The following DNAJC24 variants were observed in gnomAD, a reference collection of about 807,000 sequenced individuals.
DNAJC24 encodes the protein dnaJ homolog subfamily C member 24.
A neutral mutation model predicts 18.0 loss-of-function variants in DNAJC24; 17 were observed. The observed-to-expected ratio is 0.94, with a 90% CI of 0.65 to 1.42. The LOEUF (loss-of-function observed/expected upper bound fraction) is 1.42. DNAJC24 is among the 40% of genes most tolerant of loss of function. The probability of loss-of-function intolerance (pLI) is 0.00; values close to 1 mark genes in which losing one functional copy is unlikely to be tolerated. For missense variants in DNAJC24, 158 were observed against 175.6 expected (o/e 0.90, Z 0.57); for synonymous variants, 55 against 57.7 (o/e 0.95, Z 0.21).
chr11:31,383,184 T>C (rs1477298218), intron 2 of DNAJC24, among the ~76,000 whole-genome samples: 1 of 151,994 alleles, frequency 6.6e-6, no homozygotes, highest in Non-Finnish European at 1.5e-5. Flanking sequence ...TAGGTAGGCA[T>C]ACTTGATTAA....
At chr11:31,377,437 T>G (rs1294809848) in intron 2 of DNAJC24, among the ~76,000 whole-genome samples, 1 of 152,118 alleles carries the variant, frequency 6.6e-6, no homozygotes. Flanking sequence ...TTACATATTA[T>G]AGACATACAT....
chr11:31,374,203 C>A, intron 2 of DNAJC24: 1 of 350,176 alleles, frequency 2.9e-6, no homozygotes, highest in Non-Finnish European at 6.0e-6. Context: ...CAATGTTTTA[C>A]CAGTAAGTAT....
At position 31,431,489 on chromosome 11, in the gene DNAJC24, A is replaced by G. The variant is rs1203053274; in HGVS notation, c.*1088A>G. The stretch of plus-strand genomic sequence containing the variant: ...AAAATAATGACTTGGAAGTTGGTGC[A>G]TTATTTCCCCTTTTATTTTGGAGTG... On this transcript the variant is annotated 3_prime_UTR_variant, in exon 5 of 5. Coordinates refer to ENST00000465995, the MANE Select transcript of DNAJC24 (RefSeq NM_181706.5). 6.7e-6 allele frequency: 1 copy of G among 149,812 alleles called. No homozygotes were observed. The highest frequency in any genetic ancestry group is 1.5e-5 in the Non-Finnish European group (1 of 67,478). The allele number at this position is 149,812 out of a possible 1,614,324, so 9.3% of individuals were successfully genotyped here.
At chr11:31,393,902 A>G (rs535053546) in intron 2 of DNAJC24, among the ~76,000 whole-genome samples, 62 of 152,168 alleles carry the variant, frequency 4.1e-4, no homozygotes, top group African/African-American at 1.5e-3. Context: ...TACTGAAACA[A>G]TGATCCTAGG....
intron 2 of DNAJC24, among the ~76,000 whole-genome samples, chr11:31,381,575 ATTT>A (rs544064492): frequency 7.0e-6 from 1 of 142,192 alleles, no homozygotes; most frequent in Non-Finnish European, 1.5e-5. Context: ...TCAAAAAAAA[ATTT>A]TTTTTTTTTT....
intron 2 of DNAJC24, chr11:31,407,356 C>T (rs576268842): frequency 2.2e-4 from 33 of 152,160 alleles, no homozygotes; most frequent in African/African-American, 7.0e-4. Flanking sequence ...AAAACTCTTA[C>T]GTGTTTACTG....
Position 31,370,733 on chromosome 11 carries a change from A to T in DNAJC24, c.-16A>T. The stretch of plus-strand genomic sequence containing the variant: ...CTATTCAGCTAATCTGAGAAGGCCC[A>T]CTTCTGGTTCCATGGATGATGGCGG... On this transcript the variant is annotated 5_prime_UTR_variant, in exon 2 of 5. Transcript: ENST00000465995. 1.3e-6 allele frequency: 2 copies of T among 1,570,328 alleles called. No individual in the cohort carries two copies. Among genetic ancestry groups the T allele is most frequent in the South Asian group, 1.2e-5 (1 of 85,820 alleles).
chr11:31,417,972 G>A (rs1038566015), intron 3 of DNAJC24, among the ~76,000 whole-genome samples: 2 of 151,970 alleles, frequency 1.3e-5, no homozygotes, highest in South Asian at 2.1e-4. Flanking sequence ...TTGCATGTAT[G>A]TTTTTTTCTC....
At position 31,408,803 on chromosome 11, in the gene DNAJC24, T is replaced by C. The variant is rs574934029; in HGVS notation, c.112-6008T>C. The stretch of plus-strand genomic sequence containing the variant: ...ATGTAATTGAAAATTTTCCCCAAAA[T>C]TTGAGGAAATTACTTAGATCATACA... On this transcript the variant is annotated intron_variant, in intron 2 of 4. Transcript: ENST00000465995. Among the ~76,000 whole-genome samples, 4 of 152,304 alleles carry C rather than the reference T, an allele frequency of 2.6e-5. No homozygotes were observed. In the East Asian group the frequency reaches 7.7e-4, roughly 29 times the overall value.
chr11:31,377,736 A>G (rs1591898750), intron 2 of DNAJC24, among the ~76,000 whole-genome samples: 1 of 152,126 alleles, frequency 6.6e-6, no homozygotes, highest in African/African-American at 2.4e-5. Flanking sequence ...AGCTTTGTCA[A>G]ATTGAGAACT....
intron 2 of DNAJC24, among the ~76,000 whole-genome samples, chr11:31,397,808 CT>C (rs113510980): frequency 1.2e-3 from 178 of 143,702 alleles, no homozygotes; most frequent in Admixed American, 1.2e-3. Context: ...ATATGTGTTT[CT>C]TTTTTTTTTT....
intron 2 of DNAJC24, among the ~76,000 whole-genome samples, chr11:31,399,418 T>G (rs1952576270): frequency 6.7e-6 from 1 of 149,592 alleles, no homozygotes; most frequent in Admixed American, 6.6e-5. Context: ...AATTCTCTTT[T>G]TTTTTTTTTT....
At chr11:31,423,077 TTTC>T (rs1454463463) in intron 3 of DNAJC24, among the ~76,000 whole-genome samples, 4 of 152,188 alleles carry the variant, frequency 2.6e-5, no homozygotes, top group African/African-American at 7.2e-5. Context: ...CTTTCTTGAA[TTTC>T]TTCTTTCTCC....
chr11:31,432,438 A>G lies in DNAJC24; in HGVS notation c.*2037A>G. 1 of 1,144,272 alleles carries G rather than the reference A, an allele frequency of 8.7e-7. No individual in the cohort carries two copies. The highest frequency in any genetic ancestry group is 1.2e-5 in the South Asian group (1 of 80,910). 70.9% of individuals were successfully genotyped at this position (1,144,272 alleles called of 1,614,324 possible). Reference sequence around the variant, plus strand: ...AGTTTATTGGTAAGTACACGGTTTCAACGGGAGTAATAAATTCACATGAAA... The same window carrying G: ...AGTTTATTGGTAAGTACACGGTTTCGACGGGAGTAATAAATTCACATGAAA... On this transcript the variant is annotated 3_prime_UTR_variant, in exon 5 of 5. Coordinates refer to ENST00000465995, the MANE Select transcript of DNAJC24 (RefSeq NM_181706.5).
intron 4 of DNAJC24, chr11:31,429,890 T>A (rs1301729586): frequency 6.4e-6 from 1 of 155,926 alleles, no homozygotes; most frequent in Non-Finnish European, 1.4e-5. Context: ...GGTAGGGCTG[T>A]TTTTCTTTTC....
At chr11:31,425,483 C>A (rs1952852296) in intron 3 of DNAJC24, among the ~76,000 whole-genome samples, 1 of 152,082 alleles carries the variant, frequency 6.6e-6, no homozygotes, top group South Asian at 2.1e-4. Context: ...GCTAACAAGT[C>A]CAAGATCAAG....
At chr11:31,388,886 G>A (rs1208197535) in intron 2 of DNAJC24, among the ~76,000 whole-genome samples, 1 of 151,752 alleles carries the variant, frequency 6.6e-6, no homozygotes, top group East Asian at 1.9e-4. Context: ...AAAGTTCAGA[G>A]TTTTTATTAG....
rs1020753631 is a variant in DNAJC24, at chr11:31,389,475, C to T, written c.111+18616C>T. ...GATATAACAATTGTAAATACATATA[C>T]ACCAAATAGATATCTAGAGCAGCCA... On this transcript the variant is annotated intron_variant, in intron 2 of 4. Transcript: ENST00000465995. Among the ~76,000 whole-genome samples the T allele has an allele frequency of 2.6e-5, 4 of 152,196 alleles. No homozygotes were observed. In the East Asian group the frequency reaches 5.8e-4, roughly 22 times the overall value.
intron 2 of DNAJC24, among the ~76,000 whole-genome samples, chr11:31,390,555 A>G (rs1050282071): frequency 6.6e-6 from 1 of 151,288 alleles, no homozygotes; most frequent in Non-Finnish European, 1.5e-5. Context: ...AAAATACAAA[A>G]ATTAGCTGGG....
Sources: allele counts gnomAD v4.1 joint callset (sites outside exome capture counted in the v4.1 genomes callset), GRCh38; gene constraint gnomAD v4.1.1; transcripts MANE v1.5; gene names NCBI Gene and HGNC (gene_info 2026-07-23, HGNC 2026-07-21).